CTBP1: variants seen among roughly 807,000 people sequenced by gnomAD.
The protein encoded by CTBP1 is C-terminal-binding protein 1.
A neutral mutation model predicts 42.1 loss-of-function variants in CTBP1; 11 were observed. The observed-to-expected ratio is 0.26, with a 90% CI of 0.16 to 0.43. CTBP1 has a LOEUF of 0.43. CTBP1 is among the 20% of genes least tolerant of loss of function. CTBP1 has a pLI of 1.00. For missense variants in CTBP1, 399 were observed against 624.3 expected (o/e 0.64, Z 3.85); for synonymous variants, 324 against 277.1 (o/e 1.17, Z -1.68).
chr4:1,212,211 G>A lies in CTBP1; in HGVS notation c.*29C>T. 7.1e-7 allele frequency: 1 copy of A among 1,412,606 alleles called. No homozygotes were observed. The highest frequency in any genetic ancestry group is 1.5e-5 in the African/African-American group (1 of 66,320). The allele number at this position is 1,412,606 out of a possible 1,614,324, so 87.5% of individuals were successfully genotyped here. On this transcript the variant is annotated 3_prime_UTR_variant, in exon 10 of 10. Transcript: ENST00000382952. ...CGAGGGTTTCCGGGCCCTCTGCCCA[G>A]GCGCCGAGGCTGGAGAGCTCCTCCC... is the stretch of plus-strand genomic sequence containing the variant.
At chr4:1,239,391 C>T (rs894129309) in intron 2 of CTBP1, among the ~76,000 whole-genome samples, 4 of 152,198 alleles carry the variant, frequency 2.6e-5, no homozygotes, top group African/African-American at 9.7e-5. Flanking sequence ...CAAGCAGTAC[C>T]CAGGACCGTT....
chr4:1,229,969 G>GA (rs1305595669), intron 3 of CTBP1, among the ~76,000 whole-genome samples: 2 of 152,168 alleles, frequency 1.3e-5, no homozygotes, highest in Non-Finnish European at 2.9e-5. Context: ...GGGAAGGTTG[G>GA]AGCACCTCGG....
intron 5 of CTBP1, chr4:1,216,541 T>C: frequency 2.2e-6 from 1 of 457,938 alleles, no homozygotes; most frequent in Non-Finnish European, 3.9e-6. Flanking sequence ...TCAGTGGGTC[T>C]CCACCCACCC....
intron 4 of CTBP1, among the ~76,000 whole-genome samples, chr4:1,227,046 G>A (rs1445949363): frequency 2.0e-5 from 3 of 152,068 alleles, no homozygotes; most frequent in Admixed American, 1.3e-4. Flanking sequence ...AGAAAAAACA[G>A]ACCGAGCCTG....
chr4:1,225,994 C>A (rs1005263980), intron 4 of CTBP1, among the ~76,000 whole-genome samples: 3 of 152,048 alleles, frequency 2.0e-5, no homozygotes, highest in Admixed American at 1.3e-4. Flanking sequence ...CCTGCACACC[C>A]CTACGTGGAC....
At chr4:1,248,158 C>T (rs909320176) in intron 1 of CTBP1, among the ~76,000 whole-genome samples, 7 of 152,022 alleles carry the variant, frequency 4.6e-5, no homozygotes, top group Admixed American at 3.9e-4. Flanking sequence ...GGCGCCCGCC[C>T]GTGCTCCCTG....
intron 5 of CTBP1, among the ~76,000 whole-genome samples, chr4:1,224,952 CAT>C (rs1017649893): frequency 1.5e-4 from 23 of 151,512 alleles, no homozygotes; most frequent in East Asian, 5.9e-4. Flanking sequence ...GTGAGGCCCA[CAT>C]GTGTGCTCTG....
intron 1 of CTBP1, among the ~76,000 whole-genome samples, chr4:1,248,329 G>C (rs1732968214): frequency 6.6e-6 from 1 of 151,780 alleles, no homozygotes; most frequent in African/African-American, 2.4e-5. Flanking sequence ...TTTGGGCCCG[G>C]TCTGAGGGCA....
chr4:1,248,779 G>GCGCGCACGCGCACT, intron 1 of CTBP1, 137 bp downstream of exon 1: 1 of 958,040 alleles, frequency 1.0e-6, no homozygotes, highest in Non-Finnish European at 1.2e-6. Context: ...GCGGACGCCG[G>GCGCGCACGCGCACT]CGCGCACGCG....
At chr4:1,213,152 G>T in intron 8 of CTBP1, 122 bp from the exon 9 acceptor site, 1 of 895,310 alleles carries the variant, frequency 1.1e-6, no homozygotes, top group Non-Finnish European at 1.8e-6. Flanking sequence ...TCAGCCCCGG[G>T]GCTCCCAAGG....
At position 1,225,344 on chromosome 4, in the gene CTBP1, G is replaced by A. The variant is rs1286626094; in HGVS notation, c.514+16C>T. 30 of 1,538,106 alleles carry A rather than the reference G, an allele frequency of 2.0e-5. No homozygotes were observed. The highest frequency in any genetic ancestry group is 2.6e-5 in the Non-Finnish European group (30 of 1,146,692). On this transcript the variant is annotated intron_variant, in intron 5 of 9. Coordinates refer to ENST00000382952, the MANE Select transcript of CTBP1 (RefSeq NM_001012614.2). ...ACACAGGGAGGGACACAGGCGTGGA[G>A]CTGCGGCCGACGCACCAAGTCCGAT...
rs1057391603 is a variant in CTBP1 at position 1,244,856 on chromosome 4, G to A, written c.-188-3337C>T. On this transcript the variant is annotated intron_variant, in intron 1 of 9. Transcript: ENST00000382952. ...GGAGGCCCAAAGACTAGGGCCTGGC[G>A]GTGCTGCCCAGCCAGGGGCTGACAT... 7 of 985,302 alleles carry A rather than the reference G, an allele frequency of 7.1e-6. No homozygotes were observed. In the East Asian group the frequency reaches 4.5e-4, roughly 64 times the overall value. 61.0% of individuals were successfully genotyped at this position (985,302 alleles called of 1,614,324 possible).
In CTBP1 at chr4:1,215,875, C is replaced by T. The variant is rs141426450; in HGVS notation, c.729+116G>A. The T allele has an allele frequency of 2.7e-3, 3,068 of 1,157,360 alleles. 62 individuals carry two copies. Among genetic ancestry groups the T allele is most frequent in the Non-Finnish European group, 9.1e-4 (748 of 824,168 alleles). The allele number at this position is 1,157,360 out of a possible 1,614,324, so 71.7% of individuals were successfully genotyped here. ...AGGGCTGGCAGCCGCCGCCATGTGG[C>T]TCGCTGAAGGCAGGGTCTTGCCCAG... On this transcript the variant is annotated intron_variant, in intron 6 of 9. Transcript: ENST00000382952.
intron 1 of CTBP1, among the ~76,000 whole-genome samples, chr4:1,246,690 C>T (rs1732754189): frequency 6.6e-6 from 1 of 152,204 alleles, no homozygotes; most frequent in South Asian, 2.1e-4. Context: ...AAGTGACAGT[C>T]AGAGGAGAAA....
chr4:1,216,150 G>T lies in CTBP1; in HGVS notation c.570C>A (p.Leu190=). Residue 190 remains leucine (L), a synonymous_variant, in exon 6 of 10, where the codon CTC becomes CTA. Coordinates refer to ENST00000382952, the MANE Select transcript of CTBP1 (RefSeq NM_001012614.2). The part of the protein sequence containing the change: ...LRAKAFGFNV[L]FYDPYLSDGV... ...CATCCGACAAGTAAGGGTCGTAGAA[G>T]AGCACGTTGAAGCCGAAGGCCTTGG... is the stretch of plus-strand genomic sequence containing the variant. 1.2e-6 allele frequency: 2 copies of T among 1,611,146 alleles called. No individual in the cohort carries two copies. The highest frequency in any genetic ancestry group is 4.4e-4 in the Middle Eastern group (2 of 4,520).
At chr4:1,236,363 T>G in intron 3 of CTBP1, 1 of 498,950 alleles carries the variant, frequency 2.0e-6, no homozygotes, top group Non-Finnish European at 3.6e-6. Context: ...TGCTCACTGC[T>G]GGACCAAAGC....
chr4:1,214,251 T>G (rs769384403), intron 7 of CTBP1, 92 bp downstream of exon 7: 16 of 1,401,896 alleles, frequency 1.1e-5, no homozygotes, highest in Non-Finnish European at 1.3e-5. Flanking sequence ...TACAGGCAAG[T>G]GTCCGGCCTG....
At chr4:1,239,215 G>A (rs1731900916) in intron 2 of CTBP1, among the ~76,000 whole-genome samples, 1 of 152,218 alleles carries the variant, frequency 6.6e-6, no homozygotes, top group South Asian at 2.1e-4. Flanking sequence ...GCTCTGAGGC[G>A]TCACAGAAGC....
At position 1,233,284 on chromosome 4, in the gene CTBP1, G is replaced by A. The variant is rs1487897457; in HGVS notation, c.162+4899C>T. On this transcript the variant is annotated intron_variant, in intron 3 of 9. Coordinates refer to ENST00000382952, the MANE Select transcript of CTBP1 (RefSeq NM_001012614.2). This position sits in a 1 kb window ranked among gnomAD's most constrained non-coding sequence, Gnocchi z 4.6. ...TGTTTTTCCCAGTCACCATGACAACGCCTGCTTGTGTGTTTTTCCGGGATT... is the reference window on the plus strand; with the variant it reads ...TGTTTTTCCCAGTCACCATGACAACACCTGCTTGTGTGTTTTTCCGGGATT... 2.0e-5 allele frequency: 3 copies of A among 152,262 alleles called. No individual in the cohort carries two copies. Among genetic ancestry groups the A allele is most frequent in the Non-Finnish European group, 2.9e-5 (2 of 68,110 alleles). The allele number at this position is 152,262 out of a possible 1,614,324, so 9.4% of individuals were successfully genotyped here.
Sources: gnomAD v4.1 joint callset for allele counts (sites outside exome capture counted in the v4.1 genomes callset) on GRCh38, gnomAD v4.1.1 for gene constraint, Gnocchi (gnomAD v3.1) non-coding constraint, MANE v1.5 for transcripts, NCBI Gene and HGNC (gene_info 2026-07-23, HGNC 2026-07-21) for gene names.